The following GHR variants were observed in gnomAD, a reference collection of about 807,000 sequenced individuals.
GHR encodes growth hormone receptor.
GHR carries 35 observed loss-of-function variants against 67.1 expected under a neutral mutation model. That is an observed-to-expected ratio of 0.52 (90% CI 0.40 to 0.69). The LOEUF (loss-of-function observed/expected upper bound fraction) is 0.69, where lower values mean the gene tolerates loss of function less well. Ranked by LOEUF, GHR falls within the 30% of genes least tolerant of loss-of-function variation. The pLI is 0.00. For synonymous variants in GHR, 272 were observed against 269.1 expected, an observed-to-expected ratio of 1.01 and a Z score of -0.10; for missense variants, 792 against 764.6, an observed-to-expected ratio of 1.04 and a Z score of -0.42.
chr5:42,510,503 C>CTG (rs1746965088), intron 1 of GHR, among the ~76,000 whole-genome samples: 1 of 152,100 alleles, frequency 6.6e-6, no homozygotes, highest in South Asian at 2.1e-4. Flanking sequence ...ACTTTTTGGT[C>CTG]TGCAAGATGT....
chr5:42,685,228 A>G (rs1181879443), intron 3 of GHR, among the ~76,000 whole-genome samples: 3 of 152,110 alleles, frequency 2.0e-5, no homozygotes, highest in African/African-American at 7.2e-5. Context: ...TTTGCTGAGG[A>G]TGATGGTTTG....
intron 3 of GHR, among the ~76,000 whole-genome samples, chr5:42,675,816 C>G (rs866983448): frequency 6.6e-6 from 1 of 152,302 alleles, no homozygotes; most frequent in South Asian, 2.1e-4. Context: ...TGCCAAACCA[C>G]AGTACTATAA....
chr5:42,491,151 T>C (rs1746097406), intron 1 of GHR, among the ~76,000 whole-genome samples: 1 of 152,236 alleles, frequency 6.6e-6, no homozygotes, highest in Non-Finnish European at 1.5e-5. Flanking sequence ...AACACTGGAT[T>C]ATCATGCCTG....
Position 42,476,231 on chromosome 5 carries a change from G to GT in GHR, c.-12+52283dup, listed in dbSNP as rs576195563. On this transcript the variant is annotated intron_variant, in intron 1 of 9. Transcript: ENST00000230882. ...TGTTGTGTTTTTTGTTTTTGTTTTT[G>GT]TTTTTTTGAGATGGAGCCCTGCTCT... is the stretch of plus-strand genomic sequence containing the variant. 5.2e-4 allele frequency among the ~76,000 whole-genome samples: 71 copies of GT among 136,588 alleles called. No individual in the cohort carries two copies. The South Asian group carries it at 5.4e-3, about 10-fold the overall frequency. 89.6% of individuals were successfully genotyped at this position (136,588 alleles called of 152,430 possible).
chr5:42,442,068 T>C (rs1299195414), intron 1 of GHR, among the ~76,000 whole-genome samples: 1 of 152,114 alleles, frequency 6.6e-6, no homozygotes, highest in Admixed American at 6.5e-5. Flanking sequence ...GTGTGTTTGA[T>C]GTGGTGAAGC....
chr5:42,528,611 G>C (rs11949415), intron 1 of GHR, among the ~76,000 whole-genome samples: 2,722 of 152,258 alleles, frequency 0.018, 75 homozygotes, highest in African/African-American at 0.062. Flanking sequence ...TTTAGAATAT[G>C]ACATAAACTT....
intron 6 of GHR, among the ~76,000 whole-genome samples, 170 bp from the exon 7 acceptor site, chr5:42,711,037 G>C (rs1340729347): frequency 1.3e-5 from 2 of 152,120 alleles, no homozygotes; most frequent in Non-Finnish European, 2.9e-5. Context: ...TTTACAAAAT[G>C]ATTATTTACA....
chr5:42,499,366 C>A (rs1579822468), intron 1 of GHR, among the ~76,000 whole-genome samples: 1 of 152,304 alleles, frequency 6.6e-6, no homozygotes, highest in South Asian at 2.1e-4. Context: ...GTCACCATTC[C>A]CTGTGGCTCT....
At chr5:42,678,596 G>A (rs756801769) in intron 3 of GHR, among the ~76,000 whole-genome samples, 2 of 152,164 alleles carry the variant, frequency 1.3e-5, no homozygotes, top group Admixed American at 6.5e-5. Flanking sequence ...AATTTCAGGA[G>A]TAACTTTCAG....
intron 3 of GHR, among the ~76,000 whole-genome samples, chr5:42,659,977 G>T (rs923952242): frequency 6.6e-6 from 1 of 152,176 alleles, no homozygotes; most frequent in Non-Finnish European, 1.5e-5. Flanking sequence ...GGCTCGGAGG[G>T]TCCTACGCCC....
At chr5:42,661,809 C>T (rs888562970) in intron 3 of GHR, among the ~76,000 whole-genome samples, 1 of 152,132 alleles carries the variant, frequency 6.6e-6, no homozygotes, top group Non-Finnish European at 1.5e-5. Context: ...CACAGACTGG[C>T]AAATTGGATA....
At chr5:42,521,705 T>C (rs2112305490) in intron 1 of GHR, among the ~76,000 whole-genome samples, 1 of 152,290 alleles carries the variant, frequency 6.6e-6, no homozygotes, top group Middle Eastern at 3.4e-3. Context: ...TTTGCTGGGA[T>C]TACTTATTTA....
At chr5:42,442,590 G>T (rs1477810268) in intron 1 of GHR, among the ~76,000 whole-genome samples, 1 of 152,186 alleles carries the variant, frequency 6.6e-6, no homozygotes, top group East Asian at 1.9e-4. Context: ...CAAAGTGGTT[G>T]ATTAAACAAG....
intron 3 of GHR, among the ~76,000 whole-genome samples, chr5:42,668,772 T>C (rs182511892): frequency 1.3e-5 from 2 of 152,214 alleles, no homozygotes; most frequent in Non-Finnish European, 2.9e-5. Flanking sequence ...TAGAGGTATA[T>C]TGCATGCCAA....
chr5:42,565,388 C>A (rs149558844), intron 1 of GHR: 1 of 902,830 alleles, frequency 1.1e-6, no homozygotes, highest in East Asian at 1.2e-4. Context: ...GTGGTTTGAG[C>A]TCTTTTGTTC....
At position 42,674,622 on chromosome 5, in the gene GHR, C is replaced by T. The variant is rs569238854; in HGVS notation, c.137-14268C>T. 2.0e-5 allele frequency among the ~76,000 whole-genome samples: 3 copies of T among 152,226 alleles called. No homozygotes were observed. In the South Asian group the frequency reaches 6.2e-4, roughly 32 times the overall value. On this transcript the variant is annotated intron_variant, in intron 3 of 9. Coordinates refer to ENST00000230882, the MANE Select transcript of GHR (RefSeq NM_000163.5). ...TACTATAATATGTGGCCTTTTATGT[C>T]TGACTTCTATCACATAGCAACATAT...
chr5:42,638,298 T>G (rs1461625484), intron 3 of GHR, among the ~76,000 whole-genome samples: 1 of 152,178 alleles, frequency 6.6e-6, no homozygotes, highest in Non-Finnish European at 1.5e-5. Flanking sequence ...ATCTTCAATT[T>G]CATAATTGGC....
At chr5:42,542,819 A>G (rs1748574958) in intron 1 of GHR, among the ~76,000 whole-genome samples, 1 of 151,996 alleles carries the variant, frequency 6.6e-6, no homozygotes, top group Admixed American at 6.6e-5. Flanking sequence ...AGTGTCCATT[A>G]TATCACTCTG....
chr5:42,664,104 A>G (rs192171944), intron 3 of GHR, among the ~76,000 whole-genome samples: 4 of 152,352 alleles, frequency 2.6e-5, no homozygotes, highest in Admixed American at 2.6e-4. Context: ...GGATACAAAG[A>G]AATGGAAGAA....
Sources: allele counts gnomAD v4.1 joint callset (sites outside exome capture counted in the v4.1 genomes callset), GRCh38; gene constraint gnomAD v4.1.1; transcripts MANE v1.5; gene names NCBI Gene and HGNC (gene_info 2026-07-23, HGNC 2026-07-21).